The following KIAA0586 variants were observed in gnomAD, a reference collection of about 807,000 sequenced individuals.
KIAA0586 encodes protein TALPID3.
A neutral mutation model predicts 169.8 loss-of-function variants in KIAA0586; 144 were observed. The observed-to-expected ratio is 0.85, with a 90% confidence interval of 0.74 to 0.97. The LOEUF is 0.97. Among genes scored for constraint, KIAA0586 ranks in the 50% least tolerant of loss-of-function variants. The probability of loss-of-function intolerance (pLI) is 0.00; values close to 1 mark genes in which losing one functional copy is unlikely to be tolerated. For missense variants in KIAA0586, 1,854 were observed against 1,823.0 expected (o/e 1.02, Z -0.31); for synonymous variants, 625 against 612.4 (o/e 1.02, Z -0.30).
At chr14:58,552,114 A>G (rs1039653089), downstream of KIAA0586, among the ~76,000 whole-genome samples, 1 of 152,128 alleles carries the variant, frequency 6.6e-6, no homozygotes, top group Non-Finnish European at 1.5e-5. Flanking sequence ...GTCTCCCCCT[A>G]ATATGGAATC....
Position 58,428,257 on chromosome 14 carries a change from C to G in KIAA0586, c.-8C>G, listed in dbSNP as rs1424808139. 6.2e-7 allele frequency: 1 copy of G among 1,611,914 alleles called. No homozygotes were observed. Among genetic ancestry groups the G allele is most frequent in the African/African-American group, 1.3e-5 (1 of 74,822 alleles). On this transcript the variant is annotated 5_prime_UTR_variant, in exon 1 of 31. Coordinates refer to ENST00000652326, the MANE Select transcript of KIAA0586 (RefSeq NM_001329943.3). ...CTTAAGTGTGGGACTTGTTTTGTGACCAACAATATGAAAGGCTCTGAGGTC... is the reference window on the plus strand; with the variant it reads ...CTTAAGTGTGGGACTTGTTTTGTGAGCAACAATATGAAAGGCTCTGAGGTC...
chr14:58,443,709 C>T (rs907374480), intron 5 of KIAA0586, among the ~76,000 whole-genome samples: 2 of 152,128 alleles, frequency 1.3e-5, no homozygotes, highest in Admixed American at 1.3e-4. Flanking sequence ...AGGTGTGAGC[C>T]ACCGCGCCTG....
At chr14:58,537,394 A>C (rs2046357818) in intron 29 of KIAA0586, among the ~76,000 whole-genome samples, 1 of 152,164 alleles carries the variant, frequency 6.6e-6, no homozygotes, top group Admixed American at 6.5e-5. Context: ...TCCTTGATCA[A>C]CTCAATTAGG....
In KIAA0586 at chr14:58,470,656, C is replaced by A. The variant is rs200219991; in HGVS notation, c.2486C>A (p.Ala829Asp). ...VDIDSISNSS[A>D]DVLSPLSSPK... ...ATTGACAGCATTTCAAATAGTAGTG[C>A]TGATGTCCTTTCACCTCTGTCTAGC... Residue 829 changes from alanine to aspartate, a missense_variant, in exon 17 of 31, where the codon GCT becomes GAT. Ala to Asp is a moderately radical substitution (Grantham distance 126). Coordinates refer to ENST00000652326, the MANE Select transcript of KIAA0586 (RefSeq NM_001329943.3). The A allele has an allele frequency of 7.0e-5, 112 of 1,608,224 alleles. 1 individual carries two copies. The highest frequency in any genetic ancestry group is 9.3e-5 in the Non-Finnish European group (109 of 1,175,868).
intron 21 of KIAA0586, among the ~76,000 whole-genome samples, chr14:58,484,902 A>ATATTTATATATATTTT (rs1555391483): frequency 8.0e-5 from 1 of 12,486 alleles, no homozygotes; most frequent in Non-Finnish European, 1.4e-4. Flanking sequence ...ATATATATAT[A>ATATTTATATATATTTT]TATATATATA....
At chr14:58,524,658 G>T (rs1042740345) in intron 29 of KIAA0586, among the ~76,000 whole-genome samples, 4 of 152,176 alleles carry the variant, frequency 2.6e-5, no homozygotes, top group Non-Finnish European at 5.9e-5. Flanking sequence ...GACCCTGGGT[G>T]AAATACTTAA....
chr14:58,514,246 C>T (rs974377917), intron 29 of KIAA0586, among the ~76,000 whole-genome samples: 2 of 151,776 alleles, frequency 1.3e-5, no homozygotes, highest in African/African-American at 2.4e-5. Context: ...TGAGACATTG[C>T]CAAATGTTGC....
intron 8 of KIAA0586, among the ~76,000 whole-genome samples, chr14:58,451,610 T>C (rs2140727175): frequency 6.6e-6 from 1 of 152,284 alleles, no homozygotes. Context: ...TCATATTGTT[T>C]TTAGGTGTGA....
At chr14:58,444,624 A>G (rs1340708310) in intron 6 of KIAA0586, among the ~76,000 whole-genome samples, 2 of 151,890 alleles carry the variant, frequency 1.3e-5, no homozygotes, top group East Asian at 1.9e-4. Context: ...GGGTTTCACC[A>G]TGTTGGTCAG....
chr14:58,471,605 T>C (rs1226872417), intron 17 of KIAA0586, among the ~76,000 whole-genome samples: 3 of 152,146 alleles, frequency 2.0e-5, no homozygotes, highest in African/African-American at 7.2e-5. Context: ...AATAGAACTG[T>C]CCGTAAGTGA....
downstream of KIAA0586, among the ~76,000 whole-genome samples, chr14:58,552,686 A>C (rs1366178563): frequency 6.6e-6 from 1 of 152,218 alleles, no homozygotes; most frequent in Admixed American, 6.5e-5. Context: ...CCAAATGATG[A>C]GACTGAACAG....
chr14:58,493,940 G>T (rs1351670144), intron 26 of KIAA0586, among the ~76,000 whole-genome samples: 1 of 151,938 alleles, frequency 6.6e-6, no homozygotes, highest in Non-Finnish European at 1.5e-5. Flanking sequence ...AAAAAGAGGT[G>T]GCAAATAGCA....
At chr14:58,513,685 G>A (rs1205535343) in intron 29 of KIAA0586, among the ~76,000 whole-genome samples, 2 of 151,582 alleles carry the variant, frequency 1.3e-5, no homozygotes, top group Admixed American at 6.6e-5. Flanking sequence ...ATAGTATATC[G>A]ATATGGGCAG....
intron 29 of KIAA0586, chr14:58,537,106 C>T: frequency 1.6e-6 from 2 of 1,230,024 alleles, no homozygotes. Flanking sequence ...CTGTTTTAAT[C>T]ATCAACTGCA....
intron 29 of KIAA0586, among the ~76,000 whole-genome samples, chr14:58,515,819 T>A (rs2044710966): frequency 6.6e-6 from 1 of 152,066 alleles, no homozygotes; most frequent in Admixed American, 6.6e-5. Context: ...GAAATGTTGC[T>A]GAATTTGGGA....
intron 21 of KIAA0586, among the ~76,000 whole-genome samples, chr14:58,484,898 A>ATATTTATATATATATTTTTT (rs1555391495): frequency 2.0e-4 from 1 of 4,894 alleles, no homozygotes; most frequent in Non-Finnish European, 4.2e-4. Flanking sequence ...ATTTATATAT[A>ATATTTATATATATATTTTTT]TATATATATA....
rs143683390 is a variant in KIAA0586, at chr14:58,525,357, A to G, written c.4429+12730A>G. 4.6e-4 allele frequency among the ~76,000 whole-genome samples: 70 copies of G among 151,870 alleles called. No homozygotes were observed. The East Asian group carries it at 0.011, about 23-fold the overall frequency. On this transcript the variant is annotated intron_variant, in intron 29 of 30. Coordinates refer to ENST00000652326, the MANE Select transcript of KIAA0586 (RefSeq NM_001329943.3). ...TGATTTCTGCATTTCCAACTGAGGT[A>G]CCTGGCTCATCTCATTGGGACTGGT...
intron 11 of KIAA0586, 84 bp downstream of exon 11, chr14:58,458,063 C>T: frequency 1.2e-6 from 1 of 852,418 alleles, no homozygotes; most frequent in Non-Finnish European, 1.8e-6. Context: ...ACTGTATTTT[C>T]CTATTAGTTT....
At chr14:58,475,236 A>G (rs2041517937) in intron 19 of KIAA0586, among the ~76,000 whole-genome samples, 2 of 152,212 alleles carry the variant, frequency 1.3e-5, no homozygotes, top group Non-Finnish European at 2.9e-5. Flanking sequence ...ACCTCCTGTC[A>G]GATCAGCTGT....
Sources: gnomAD v4.1 joint callset for allele counts (sites outside exome capture counted in the v4.1 genomes callset) on GRCh38, gnomAD v4.1.1 for gene constraint, MANE v1.5 for transcripts, NCBI Gene and HGNC (gene_info 2026-07-23, HGNC 2026-07-21) for gene names.